The following HS3ST2 variants were observed in gnomAD, a reference collection of about 807,000 sequenced individuals.
HS3ST2 encodes the protein heparan sulfate glucosamine 3-O-sulfotransferase 2.
A neutral mutation model predicts 26.3 loss-of-function variants in HS3ST2; 17 were observed. That is an observed-to-expected ratio of 0.65 (90% CI 0.44 to 0.97). The LOEUF (loss-of-function observed/expected upper bound fraction) is 0.97. HS3ST2 is among the 50% of genes least tolerant of loss of function. The probability of loss-of-function intolerance (pLI) is 0.00; values close to 1 mark genes in which losing one functional copy is unlikely to be tolerated. For missense variants in HS3ST2, 402 were observed against 501.2 expected (o/e 0.80, Z 1.89); for synonymous variants, 237 against 219.2 (o/e 1.08, Z -0.72).
intron 1 of HS3ST2, among the ~76,000 whole-genome samples, chr16:22,894,995 T>A (rs1475336276): frequency 6.6e-6 from 1 of 152,104 alleles, no homozygotes; most frequent in Non-Finnish European, 1.5e-5. Context: ...GGAGTGGAAG[T>A]AAATGCTGGG....
At chr16:22,890,296 C>T (rs1402802630) in intron 1 of HS3ST2, among the ~76,000 whole-genome samples, 1 of 135,494 alleles carries the variant, frequency 7.4e-6, no homozygotes. Context: ...TTTAAAGGAG[C>T]ATTGCTTTAT....
intron 1 of HS3ST2, among the ~76,000 whole-genome samples, chr16:22,839,825 C>T (rs890186118): frequency 1.3e-5 from 2 of 152,148 alleles, no homozygotes; most frequent in African/African-American, 4.8e-5. Flanking sequence ...ATATATGCAA[C>T]ATTTTGCAGA....
intron 1 of HS3ST2, among the ~76,000 whole-genome samples, chr16:22,891,573 C>T (rs552222204): frequency 7.4e-4 from 113 of 152,158 alleles, no homozygotes; most frequent in African/African-American, 2.6e-3. Context: ...TTAATTTAAA[C>T]ATTAATTCAT....
At chr16:22,840,083 G>C (rs1901330152) in intron 1 of HS3ST2, among the ~76,000 whole-genome samples, 1 of 152,244 alleles carries the variant, frequency 6.6e-6, no homozygotes, top group South Asian at 2.1e-4. Flanking sequence ...GTGGTGCAAA[G>C]CACATGCCAT....
At chr16:22,828,024 C>T (rs1404170888) in intron 1 of HS3ST2, among the ~76,000 whole-genome samples, 1 of 152,080 alleles carries the variant, frequency 6.6e-6, no homozygotes, top group Admixed American at 6.6e-5. Flanking sequence ...CTACTAAGGA[C>T]TTGCTATCTT....
intron 1 of HS3ST2, among the ~76,000 whole-genome samples, chr16:22,857,697 T>A (rs1022378690): frequency 1.5e-4 from 23 of 151,842 alleles, no homozygotes; most frequent in African/African-American, 5.6e-4. Flanking sequence ...TTCTAATCAA[T>A]TTTTTTTTCC....
chr16:22,880,859 G>C (rs2141196852), intron 1 of HS3ST2, among the ~76,000 whole-genome samples: 1 of 152,260 alleles, frequency 6.6e-6, no homozygotes, highest in Non-Finnish European at 1.5e-5. Flanking sequence ...AGACACCTTT[G>C]CCAGTCACCT....
intron 1 of HS3ST2, among the ~76,000 whole-genome samples, chr16:22,840,184 T>C (rs1048703823): frequency 3.3e-5 from 5 of 152,166 alleles, no homozygotes; most frequent in Admixed American, 2.0e-4. Flanking sequence ...AGCCAGAGGA[T>C]TGCATGGGCA....
At chr16:22,911,178 T>C (rs1902420895) in intron 1 of HS3ST2, among the ~76,000 whole-genome samples, 1 of 152,302 alleles carries the variant, frequency 6.6e-6, no homozygotes, top group Admixed American at 6.5e-5. Flanking sequence ...TTTTCTCCAG[T>C]GCTGTTTGGC....
intron 1 of HS3ST2, among the ~76,000 whole-genome samples, chr16:22,909,019 A>G (rs1830087666): frequency 2.0e-5 from 3 of 152,244 alleles, no homozygotes; most frequent in Non-Finnish European, 4.4e-5. Flanking sequence ...AAAGGGCAAG[A>G]ACCTAGATAG....
intron 1 of HS3ST2, among the ~76,000 whole-genome samples, chr16:22,824,928 G>A (rs457812): frequency 0.14 from 21,880 of 152,058 alleles, 1,708 homozygotes; most frequent in East Asian, 0.22. Flanking sequence ...AGATGAGTGG[G>A]CATTGAAGCA....
chr16:22,850,857 C>G (rs1901509886), intron 1 of HS3ST2, among the ~76,000 whole-genome samples: 1 of 152,186 alleles, frequency 6.6e-6, no homozygotes, highest in African/African-American at 2.4e-5. Context: ...ATCTCTCATA[C>G]AGCCGCAGTT....
intron 1 of HS3ST2, among the ~76,000 whole-genome samples, chr16:22,846,835 G>A (rs1199477975): frequency 2.0e-5 from 3 of 152,172 alleles, no homozygotes; most frequent in African/African-American, 7.2e-5. Context: ...CTGCAAGGTG[G>A]TTATGATGGT....
intron 1 of HS3ST2, among the ~76,000 whole-genome samples, chr16:22,868,070 C>T (rs1426552226): frequency 6.6e-6 from 1 of 152,096 alleles, no homozygotes; most frequent in Non-Finnish European, 1.5e-5. Flanking sequence ...AAATATTACA[C>T]ATGCACAAAA....
chr16:22,891,508 CA>C (rs1199940541), intron 1 of HS3ST2, among the ~76,000 whole-genome samples: 2 of 151,702 alleles, frequency 1.3e-5, no homozygotes, highest in African/African-American at 4.8e-5. Context: ...CCCAAGAAGT[CA>C]AAGGGTGCAA....
chr16:22,893,621 CTTT>C (rs1318375535), intron 1 of HS3ST2, among the ~76,000 whole-genome samples: 1 of 107,044 alleles, frequency 9.3e-6, no homozygotes, highest in Non-Finnish European at 1.9e-5. Flanking sequence ...TTTCTTTTTT[CTTT>C]TTTTCTTTTC....
At chr16:22,855,795 C>A (rs898571838) in intron 1 of HS3ST2, among the ~76,000 whole-genome samples, 4 of 151,244 alleles carry the variant, frequency 2.6e-5, no homozygotes, top group African/African-American at 9.7e-5. Context: ...ATGCTTCAAC[C>A]CTTATATCCT....
intron 1 of HS3ST2, among the ~76,000 whole-genome samples, chr16:22,835,552 C>T (rs113717828): frequency 8.7e-4 from 133 of 152,280 alleles, no homozygotes; most frequent in Middle Eastern, 3.4e-3. Context: ...TACTGTCTGA[C>T]TACCCTGTCT....
At position 22,824,244 on chromosome 16, in the gene HS3ST2, G is replaced by T. The variant is rs549246132; in HGVS notation, c.485+9149G>T. On this transcript the variant is annotated intron_variant, in intron 1 of 1. Coordinates refer to ENST00000261374, the MANE Select transcript of HS3ST2 (RefSeq NM_006043.2). ...TTTCTTCCATTCTGGAAAACATGAC[G>T]TGAAGCTTAAAAACATGACATGGGC... 7.2e-5 allele frequency among the ~76,000 whole-genome samples: 11 copies of T among 152,284 alleles called. No individual in the cohort carries two copies. The East Asian group carries it at 2.1e-3, about 29-fold the overall frequency.
Sources: gnomAD v4.1 joint callset for allele counts (sites outside exome capture counted in the v4.1 genomes callset) on GRCh38, gnomAD v4.1.1 for gene constraint, MANE v1.5 for transcripts, NCBI Gene and HGNC (gene_info 2026-07-23, HGNC 2026-07-21) for gene names.